Variants in SLC9A8 observed in about 807,000 individuals in gnomAD.
SLC9A8 encodes solute carrier family 9 member A8, also known as sodium/hydrogen exchanger 8.
A neutral mutation model predicts 66.6 loss-of-function variants in SLC9A8; 48 were observed. The observed-to-expected ratio is 0.72, with a 90% CI of 0.57 to 0.92. The LOEUF (loss-of-function observed/expected upper bound fraction) is 0.92, where lower values mean the gene tolerates loss of function less well. Ranked by LOEUF, SLC9A8 falls within the 40% of genes least tolerant of loss-of-function variation. The probability of loss-of-function intolerance (pLI) is 0.00; values close to 1 mark genes in which losing one functional copy is unlikely to be tolerated. For synonymous variants in SLC9A8, 274 were observed against 282.6 expected (o/e 0.97, Z 0.31); for missense variants, 599 against 747.3 (o/e 0.80, Z 2.31).
chr20:49,882,121 C>G, intron 13 of SLC9A8, among the ~76,000 whole-genome samples: 2 of 141,558 alleles, frequency 1.4e-5, no homozygotes, highest in Middle Eastern at 3.6e-3. Flanking sequence ...AGAGCTTCTC[C>G]TCCTTCCCAC....
chr20:49,814,266 A>G (rs937564040), intron 1 of SLC9A8, among the ~76,000 whole-genome samples: 17 of 152,200 alleles, frequency 1.1e-4, no homozygotes, highest in Admixed American at 1.0e-3. Context: ...AGCCTTAGTT[A>G]TGCATGAGTA....
chr20:49,834,023 C>T (rs1302410949), intron 3 of SLC9A8, among the ~76,000 whole-genome samples: 3 of 151,438 alleles, frequency 2.0e-5, no homozygotes, highest in Non-Finnish European at 4.4e-5. Flanking sequence ...CTGAGACAGG[C>T]GGATCACCTG....
At chr20:49,814,945 G>C in intron 1 of SLC9A8, 63 bp from the exon 2 acceptor site, 1 of 1,293,510 alleles carries the variant, frequency 7.7e-7, no homozygotes, top group South Asian at 1.6e-5. Context: ...CTGGTGTGAG[G>C]TGTGTGAATT....
At position 49,877,986 on chromosome 20, in the gene SLC9A8, T is replaced by A. The variant is rs773811667; in HGVS notation, c.1081T>A (p.Cys361Ser). ...LRTVAFLCETCVFAFLGLSIF... is the reference protein window; with the variant it reads ...LRTVAFLCETSVFAFLGLSIF... Reference sequence around the variant, plus strand: ...CATTCTTTGGTTTGTTTCAGAAACATGTGTGTTTGCATTTCTTGGCCTGTC... The same window carrying A: ...CATTCTTTGGTTTGTTTCAGAAACAAGTGTGTTTGCATTTCTTGGCCTGTC... Residue 361 changes from cysteine (C) to serine (S), a missense_variant, in exon 12 of 16, where the codon TGT (cysteine) becomes AGT (serine). Transcript: ENST00000361573. The A allele has an allele frequency of 3.8e-6, 6 of 1,595,480 alleles. No individual in the cohort carries two copies. Among genetic ancestry groups the A allele is most frequent in the Non-Finnish European group, 4.3e-6 (5 of 1,175,028 alleles).
At chr20:49,869,853 A>C (rs1276714126) in intron 10 of SLC9A8, among the ~76,000 whole-genome samples, 1 of 152,040 alleles carries the variant, frequency 6.6e-6, no homozygotes, top group Admixed American at 6.5e-5. Flanking sequence ...TAAAATAAAA[A>C]TAAAAAGATA....
intron 3 of SLC9A8, among the ~76,000 whole-genome samples, chr20:49,824,288 A>G (rs1199742438): frequency 6.6e-6 from 1 of 152,224 alleles, no homozygotes; most frequent in African/African-American, 2.4e-5. Context: ...TGTTTTTAGC[A>G]TGTTTTTTAG....
intron 10 of SLC9A8, 77 bp from the exon 11 acceptor site, chr20:49,874,628 A>G: frequency 1.1e-6 from 1 of 916,230 alleles, no homozygotes; most frequent in Non-Finnish European, 1.8e-6. Context: ...TCTAGGCCCC[A>G]GGGCCTTGCA....
chr20:49,887,748 A>ATCCCCTCCCTT (rs1213459774), intron 15 of SLC9A8, 81 bp from the exon 16 acceptor site: 1 of 1,131,500 alleles, frequency 8.8e-7, no homozygotes, highest in African/African-American at 1.6e-5. Context: ...GACACCCCAC[A>ATCCCCTCCCTT]CAAAACACCC....
In SLC9A8 at chr20:49,855,442, G is replaced by A. The variant is rs374723964; in HGVS notation, c.574G>A (p.Ala192Thr). 6.2e-7 allele frequency: 1 copy of A among 1,613,874 alleles called. No individual in the cohort carries two copies. Among genetic ancestry groups the A allele is most frequent in the South Asian group, 1.1e-5 (1 of 91,080 alleles). The change falls in exon 8 of 16, where the codon GCG becomes ACG. Residue 192 changes from alanine to threonine, a missense_variant. By Grantham distance (58) the Ala-to-Thr change is moderately conservative. Around this residue, in one of 2 missense-constraint regions of SLC9A8, gnomAD observed 467 missense variants for 626.5 expected, o/e 0.75. Coordinates refer to ENST00000361573, the MANE Select transcript of SLC9A8 (RefSeq NM_015266.3). ...CCTTCCCTCTGTCTCTTACAGTTTT[G>A]CGTTTGGCTCCCTAATATCTGCTGT... ...ISKLNMTDSF[A>T]FGSLISAVDP...
At chr20:49,847,008 T>C (rs983953922) in intron 5 of SLC9A8, among the ~76,000 whole-genome samples, 8 of 152,198 alleles carry the variant, frequency 5.3e-5, no homozygotes, top group Non-Finnish European at 7.3e-5. Context: ...ATGAGTTAGA[T>C]TTGTCTAGAA....
intron 3 of SLC9A8, among the ~76,000 whole-genome samples, chr20:49,838,348 G>GGGAACTGTAGCA (rs1372455208): frequency 6.6e-6 from 1 of 152,146 alleles, no homozygotes; most frequent in Non-Finnish European, 1.5e-5. Flanking sequence ...GGAGCTGTTG[G>GGGAACTGTAGCA]GGAACTGTAG....
intron 7 of SLC9A8, among the ~76,000 whole-genome samples, chr20:49,853,006 T>C (rs375118395): frequency 6.6e-6 from 1 of 152,224 alleles, no homozygotes; most frequent in Non-Finnish European, 1.5e-5. Context: ...AGTCAACTTA[T>C]GTAAGATGGA....
At chr20:49,837,526 C>G (rs957061588) in intron 3 of SLC9A8, among the ~76,000 whole-genome samples, 1 of 151,998 alleles carries the variant, frequency 6.6e-6, no homozygotes, top group East Asian at 1.9e-4. Flanking sequence ...ATCTTCTTTT[C>G]CAAAATATCT....
chr20:49,831,912 C>T (rs1266566279), intron 3 of SLC9A8, among the ~76,000 whole-genome samples: 5 of 152,162 alleles, frequency 3.3e-5, no homozygotes, highest in East Asian at 3.9e-4. Flanking sequence ...GCTTGCCCCG[C>T]CCTGGGCTGT....
At position 49,815,029 on chromosome 20, in the gene SLC9A8, T is replaced by C. The variant is rs536021956; in HGVS notation, c.48T>C (p.His16=). ...CCAGGAGGTTCCCCAATACAACTCA[T>C]GAGGGTTTCAATGTCACCCTCCACA... ...AEEERFPNTT[H]EGFNVTLHTT... The change falls in exon 2 of 16, where the codon CAT becomes CAC. Residue 16 remains histidine, a synonymous_variant. Coordinates refer to ENST00000361573, the MANE Select transcript of SLC9A8 (RefSeq NM_015266.3). 8.8e-5 allele frequency: 141 copies of C among 1,595,300 alleles called. 4 individuals are homozygous for C. The South Asian group carries it at 1.5e-3, about 17-fold the overall frequency.
At position 49,884,259 on chromosome 20, in the gene SLC9A8, GACACAC is replaced by G. The variant is rs57704874; in HGVS notation, c.1491+202_1491+207del. 5.1e-4 allele frequency: 66 copies of G among 130,144 alleles called. 2 individuals carry two copies. Among genetic ancestry groups the G allele is most frequent in the East Asian group, 8.6e-4 (6 of 7,006 alleles). The allele number at this position is 130,144 out of a possible 1,614,324, so 8.1% of individuals were successfully genotyped here. On this transcript the variant is annotated intron_variant, in intron 14 of 15. Transcript: ENST00000361573. ...ACACACACGACACACACACACACACGACACACACACACACGACACACACACACACGA... is the reference window on the plus strand; with the variant it reads ...ACACACACGACACACACACACACACGACACACACGACACACACACACACGA...
intron 8 of SLC9A8, among the ~76,000 whole-genome samples, chr20:49,859,965 C>G (rs768001407): frequency 3.3e-5 from 5 of 152,198 alleles, no homozygotes; most frequent in Admixed American, 2.0e-4. Flanking sequence ...TGCCCCAGCC[C>G]TGGATCTGCT....
chr20:49,839,476 T>G, intron 3 of SLC9A8, 65 bp from the exon 4 acceptor site: 1 of 1,133,942 alleles, frequency 8.8e-7, no homozygotes, highest in Non-Finnish European at 1.3e-6. Flanking sequence ...CTGTGTCATG[T>G]CTTAAATTTG....
intron 8 of SLC9A8, among the ~76,000 whole-genome samples, chr20:49,855,797 A>G (rs765889336): frequency 6.6e-6 from 1 of 151,304 alleles, no homozygotes; most frequent in Non-Finnish European, 1.5e-5. Flanking sequence ...AGGAGAGTCC[A>G]CCTTTTTTTT....
Sources: gnomAD v4.1 joint callset for allele counts (sites outside exome capture counted in the v4.1 genomes callset) on GRCh38, gnomAD v4.1.1 for gene constraint, gnomAD v4.1.1 regional missense constraint, MANE v1.5 for transcripts, NCBI Gene and HGNC (gene_info 2026-07-23, HGNC 2026-07-21) for gene names.